NXN: variants seen among roughly 807,000 people sequenced by gnomAD.
The protein encoded by NXN is nucleoredoxin, also known as nucleoredoxin 1.
A neutral mutation model predicts 48.6 loss-of-function variants in NXN; 16 were observed. That is an observed-to-expected ratio of 0.33 (90% CI 0.22 to 0.50). The LOEUF is 0.50. Among genes scored for constraint, NXN ranks in the 20% least tolerant of loss-of-function variants. The pLI is 0.98. For synonymous variants in NXN, 281 were observed against 269.6 expected (o/e 1.04, Z -0.41); for missense variants, 492 against 605.5 (o/e 0.81, Z 1.97).
intron 1 of NXN, among the ~76,000 whole-genome samples, chr17:827,969 G>A (rs1284654248): frequency 6.6e-6 from 1 of 152,210 alleles, no homozygotes; most frequent in Non-Finnish European, 1.5e-5. Flanking sequence ...GGCAGGAAGG[G>A]CTGTGGGACC....
intron 1 of NXN, among the ~76,000 whole-genome samples, chr17:910,110 A>G (rs1211907893): frequency 6.6e-6 from 1 of 152,142 alleles, no homozygotes; most frequent in Admixed American, 6.5e-5. Context: ...CAAACAACCT[A>G]TGACTCAAAT....
At position 799,914 on chromosome 17, in the gene NXN, G is replaced by C. The variant is rs1455957372; in HGVS notation, c.*1035C>G. 1.3e-5 allele frequency: 2 copies of C among 152,262 alleles called. No individual in the cohort carries two copies. The highest frequency in any genetic ancestry group is 6.5e-5 in the Admixed American group (1 of 15,282). 9.4% of individuals were successfully genotyped at this position (152,262 alleles called of 1,614,324 possible). ...GTGGATCACCTGAGGTCAGGAGTTC[G>C]AGACCAGCCTGGCCAACATGGTGAA... On this transcript the variant is annotated 3_prime_UTR_variant, in exon 8 of 8. Transcript: ENST00000336868.
chr17:891,750 C>A (rs1224659517), intron 1 of NXN, among the ~76,000 whole-genome samples: 2 of 151,712 alleles, frequency 1.3e-5, no homozygotes, highest in Admixed American at 1.3e-4. Flanking sequence ...CACAGCCCAT[C>A]AGGGAACCTA....
intron 1 of NXN, among the ~76,000 whole-genome samples, chr17:889,498 A>C (rs1597697437): frequency 6.6e-6 from 1 of 152,124 alleles, no homozygotes; most frequent in Non-Finnish European, 1.5e-5. Flanking sequence ...GGAGTTCAAG[A>C]CCAGCCTGGC....
intron 1 of NXN, among the ~76,000 whole-genome samples, chr17:832,983 T>C (rs9901706): frequency 0.42 from 63,214 of 151,898 alleles, 13,381 homozygotes; most frequent in Admixed American, 0.48. Flanking sequence ...CTCCGCCTCC[T>C]GGGTTCACAC....
intron 1 of NXN, among the ~76,000 whole-genome samples, chr17:841,410 C>CGACCACGGCGCA (rs1914195571): frequency 3.0e-5 from 1 of 33,288 alleles, no homozygotes; most frequent in Non-Finnish European, 7.7e-5. Flanking sequence ...CAGGTCCCCC[C>CGACCACGGCGCA]TGACCACGGC....
chr17:946,410 G>C (rs779084519), intron 1 of NXN, among the ~76,000 whole-genome samples: 1 of 152,082 alleles, frequency 6.6e-6, no homozygotes, highest in East Asian at 1.9e-4. Flanking sequence ...CTCGTGATCC[G>C]CCCGCCTAGG....
intron 1 of NXN, among the ~76,000 whole-genome samples, chr17:902,892 C>A (rs1301627249): frequency 6.6e-6 from 1 of 151,852 alleles, no homozygotes; most frequent in Non-Finnish European, 1.5e-5. Context: ...GATTCTCCTG[C>A]CTCAGCTTCC....
chr17:930,720 A>T (rs1180544213), intron 1 of NXN, among the ~76,000 whole-genome samples: 1 of 152,104 alleles, frequency 6.6e-6, no homozygotes, highest in Non-Finnish European at 1.5e-5. Context: ...TAAAAGTGTA[A>T]CCAGGAAAAC....
chr17:867,481 G>A (rs563112947), intron 1 of NXN, among the ~76,000 whole-genome samples: 7 of 152,388 alleles, frequency 4.6e-5, no homozygotes, highest in Middle Eastern at 3.4e-3. Flanking sequence ...ATGCTTTCCT[G>A]TTGTTGAAGG....
At chr17:812,738 G>A (rs1355098874) in intron 5 of NXN, among the ~76,000 whole-genome samples, 1 of 144,494 alleles carries the variant, frequency 6.9e-6, no homozygotes, top group Non-Finnish European at 1.5e-5. Context: ...TGAGTGTAGG[G>A]TGCGTGAGTG....
intron 1 of NXN, among the ~76,000 whole-genome samples, chr17:845,797 C>T (rs539215906): frequency 6.6e-6 from 1 of 152,276 alleles, no homozygotes; most frequent in African/African-American, 2.4e-5. Context: ...CCGGGTGTGG[C>T]GGCTCACGCC....
chr17:974,378 G>A (rs1182497719), intron 1 of NXN, among the ~76,000 whole-genome samples: 1 of 151,432 alleles, frequency 6.6e-6, no homozygotes, highest in Non-Finnish European at 1.5e-5. Flanking sequence ...TATATATATA[G>A]ATATATGGAT....
intron 1 of NXN, among the ~76,000 whole-genome samples, chr17:928,340 C>T (rs1002095167): frequency 6.6e-6 from 1 of 152,094 alleles, no homozygotes; most frequent in Non-Finnish European, 1.5e-5. Flanking sequence ...GAAAAGCATT[C>T]GGTGAGATTT....
intron 1 of NXN, among the ~76,000 whole-genome samples, chr17:865,717 C>T (rs1298024741): frequency 6.6e-6 from 1 of 151,860 alleles, no homozygotes; most frequent in Non-Finnish European, 1.5e-5. Flanking sequence ...GGCGCAGTGG[C>T]TCACGCCTGT....
chr17:963,224 C>CACACACACAG (rs1421822284), intron 1 of NXN, among the ~76,000 whole-genome samples: 7 of 151,080 alleles, frequency 4.6e-5, no homozygotes, highest in African/African-American at 1.7e-4. Context: ...GACACACACA[C>CACACACACAG]ACACACACAC....
chr17:915,522 CAATCAA>C (rs1231960247), intron 1 of NXN, among the ~76,000 whole-genome samples: 7 of 150,908 alleles, frequency 4.6e-5, no homozygotes, highest in Non-Finnish European at 8.9e-5. Context: ...TGGGCTCAGG[CAATCAA>C]CCTGCCTCAG....
chr17:837,733 T>A (rs1913906727), intron 1 of NXN, among the ~76,000 whole-genome samples: 1 of 152,200 alleles, frequency 6.6e-6, no homozygotes, highest in African/African-American at 2.4e-5. Flanking sequence ...CATTCTGCCT[T>A]CGCCTGGAGC....
intron 1 of NXN, among the ~76,000 whole-genome samples, chr17:968,766 T>C (rs1320582176): frequency 6.6e-6 from 1 of 151,454 alleles, no homozygotes; most frequent in East Asian, 2.0e-4. Context: ...AGTGAAACCC[T>C]GTCTTTATTA....
Sources: gnomAD v4.1 joint callset for allele counts (sites outside exome capture counted in the v4.1 genomes callset) on GRCh38, gnomAD v4.1.1 for gene constraint, MANE v1.5 for transcripts, NCBI Gene and HGNC (gene_info 2026-07-23, HGNC 2026-07-21) for gene names.